The following LYPD6B variants were observed in gnomAD, a reference collection of about 807,000 sequenced individuals.
LYPD6B encodes ly6/PLAUR domain-containing protein 6B.
In LYPD6B, 17 loss-of-function variants were observed where a neutral mutation model predicts 22.8. The observed-to-expected ratio is 0.75, with a 90% confidence interval of 0.51 to 1.12. The LOEUF (loss-of-function observed/expected upper bound fraction) is 1.12, where lower values mean the gene tolerates loss of function less well. Among genes scored for constraint, LYPD6B ranks in the 50% most tolerant of loss-of-function variants. LYPD6B has a pLI of 0.00. For synonymous variants in LYPD6B, 106 were observed against 91.6 expected, an observed-to-expected ratio of 1.16 and a Z score of -0.90; for missense variants, 221 against 258.3, an observed-to-expected ratio of 0.86 and a Z score of 0.99.
intron 1 of LYPD6B, among the ~76,000 whole-genome samples, chr2:149,080,866 AACC>A (rs1558985898): frequency 2.3e-5 from 3 of 128,524 alleles, no homozygotes; most frequent in African/African-American, 8.6e-5. Context: ...AAAAAAAAAA[AACC>A]ACACAAAAAA....
chr2:149,088,890 G>C (rs1251514052), intron 1 of LYPD6B, among the ~76,000 whole-genome samples: 1 of 152,140 alleles, frequency 6.6e-6, no homozygotes, highest in African/African-American at 2.4e-5. Context: ...TTGAGCCTTT[G>C]AGAAGAAAAG....
intron 3 of LYPD6B, among the ~76,000 whole-genome samples, chr2:149,203,833 C>G (rs1242895385): frequency 1.3e-5 from 2 of 152,146 alleles, no homozygotes; most frequent in Admixed American, 1.3e-4. Flanking sequence ...TATGTATTGT[C>G]TAATAATTTA....
chr2:149,185,034 C>T (rs1691997383), intron 3 of LYPD6B, among the ~76,000 whole-genome samples: 1 of 152,218 alleles, frequency 6.6e-6, no homozygotes, highest in Non-Finnish European at 1.5e-5. Flanking sequence ...ATGTCAGGCT[C>T]ATTTCTAGGG....
chr2:149,047,947 C>T (rs796962347), intron 1 of LYPD6B, among the ~76,000 whole-genome samples: 6 of 152,226 alleles, frequency 3.9e-5, no homozygotes, highest in African/African-American at 1.4e-4. Context: ...TTATTTGTTA[C>T]TGTCTTTAGC....
intron 2 of LYPD6B, among the ~76,000 whole-genome samples, chr2:149,141,192 G>A (rs544619223): frequency 1.9e-4 from 29 of 152,302 alleles, no homozygotes; most frequent in South Asian, 1.0e-3. Context: ...ACTAAGTGAC[G>A]TTTGGGCAGA....
intron 1 of LYPD6B, among the ~76,000 whole-genome samples, chr2:149,098,445 T>G (rs1686008747): frequency 6.6e-6 from 1 of 151,848 alleles, no homozygotes; most frequent in African/African-American, 2.4e-5. Context: ...GGAAACATGG[T>G]GAAACCCTGT....
chr2:149,110,200 C>T (rs1180780203), intron 1 of LYPD6B, among the ~76,000 whole-genome samples: 1 of 151,958 alleles, frequency 6.6e-6, no homozygotes, highest in Non-Finnish European at 1.5e-5. Flanking sequence ...TGGGGCTGTA[C>T]TTTTTCATAT....
intron 1 of LYPD6B, among the ~76,000 whole-genome samples, chr2:149,109,025 G>A (rs2105524508): frequency 6.6e-6 from 1 of 151,970 alleles, no homozygotes; most frequent in East Asian, 1.9e-4. Flanking sequence ...ATATGTAAGG[G>A]TCCCCACAAT....
intron 3 of LYPD6B, among the ~76,000 whole-genome samples, chr2:149,187,798 T>A (rs183113177): frequency 6.6e-6 from 1 of 152,266 alleles, no homozygotes; most frequent in African/African-American, 2.4e-5. Flanking sequence ...AAATTTGTGT[T>A]TGGCCGCATT....
chr2:149,182,119 A>T (rs1180758765), intron 3 of LYPD6B, among the ~76,000 whole-genome samples: 1 of 152,216 alleles, frequency 6.6e-6, no homozygotes, highest in Admixed American at 6.5e-5. Flanking sequence ...ATTGTGTGTG[A>T]ATGCATTTCA....
intron 1 of LYPD6B, among the ~76,000 whole-genome samples, chr2:149,110,935 G>A (rs941417993): frequency 1.3e-5 from 2 of 152,134 alleles, no homozygotes; most frequent in African/African-American, 2.4e-5. Context: ...AAGAACTCTC[G>A]AAAAGGTGAT....
chr2:149,114,691 G>T (rs555251270), intron 1 of LYPD6B, among the ~76,000 whole-genome samples: 109 of 152,272 alleles, frequency 7.2e-4, no homozygotes, highest in African/African-American at 2.6e-3. Context: ...AGCCTTTCTG[G>T]CTTTCATTTT....
chr2:149,186,800 T>C (rs1692137482), intron 3 of LYPD6B, among the ~76,000 whole-genome samples: 1 of 152,148 alleles, frequency 6.6e-6, no homozygotes, highest in Non-Finnish European at 1.5e-5. Flanking sequence ...GAGGATTGGC[T>C]CCAATTTTGA....
chr2:149,048,179 T>A (rs1683393850), intron 1 of LYPD6B, among the ~76,000 whole-genome samples: 1 of 151,772 alleles, frequency 6.6e-6, no homozygotes, highest in Non-Finnish European at 1.5e-5. Flanking sequence ...TGCCCTATAA[T>A]TTTTTTTTGT....
intron 1 of LYPD6B, among the ~76,000 whole-genome samples, chr2:149,092,206 G>A (rs1257554948): frequency 6.6e-6 from 1 of 152,094 alleles, no homozygotes; most frequent in Non-Finnish European, 1.5e-5. Flanking sequence ...GGGAATTTTA[G>A]ATGTCAAAGA....
intron 1 of LYPD6B, among the ~76,000 whole-genome samples, chr2:149,040,618 G>C (rs544024048): frequency 7.9e-5 from 12 of 152,284 alleles, no homozygotes; most frequent in African/African-American, 2.9e-4. Context: ...ATGGGCACAT[G>C]ACCGACTGTG....
chr2:149,068,797 G>C (rs1374750080), intron 1 of LYPD6B: 2 of 469,202 alleles, frequency 4.3e-6, no homozygotes, highest in South Asian at 1.7e-5. Flanking sequence ...ACAAAGGCTC[G>C]ATCATTTTGC....
intron 1 of LYPD6B, among the ~76,000 whole-genome samples, chr2:149,109,964 GCCT>G (rs1686679354): frequency 6.6e-6 from 1 of 152,082 alleles, no homozygotes; most frequent in Admixed American, 6.6e-5. Context: ...ACCCATCTCG[GCCT>G]CCCAAAGTGC....
chr2:149,113,462 G>A (rs138820020), intron 1 of LYPD6B, among the ~76,000 whole-genome samples: 50 of 152,258 alleles, frequency 3.3e-4, no homozygotes, highest in African/African-American at 1.2e-3. Flanking sequence ...AAGATAAATA[G>A]CATTTGAGAT....
Sources: gnomAD v4.1 joint callset for allele counts (sites outside exome capture counted in the v4.1 genomes callset) on GRCh38, gnomAD v4.1.1 for gene constraint, MANE v1.5 for transcripts, NCBI Gene and HGNC (gene_info 2026-07-23, HGNC 2026-07-21) for gene names.